The following PRKCH variants were observed in gnomAD, a reference collection of about 807,000 sequenced individuals.
PRKCH encodes protein kinase C eta.
A neutral mutation model predicts 82.5 loss-of-function variants in PRKCH; 28 were observed. The observed-to-expected ratio is 0.34, with a 90% confidence interval of 0.25 to 0.47. The LOEUF is 0.47. PRKCH is among the 20% of genes least tolerant of loss of function. PRKCH has a pLI of 1.00. For synonymous variants in PRKCH, 322 were observed against 327.4 expected (o/e 0.98, Z 0.18); for missense variants, 705 against 881.8 (o/e 0.80, Z 2.54).
At chr14:61,432,382 CCTT>C (rs1191779511) in intron 2 of PRKCH, among the ~76,000 whole-genome samples, 3 of 152,190 alleles carry the variant, frequency 2.0e-5, no homozygotes, top group African/African-American at 7.2e-5. Context: ...ACATTTCCCT[CCTT>C]CTTCAAGTAG....
chr14:61,519,976 G>A (rs1290268814), intron 10 of PRKCH, among the ~76,000 whole-genome samples: 2 of 151,056 alleles, frequency 1.3e-5, no homozygotes, highest in Non-Finnish European at 2.9e-5. Context: ...CATTCCCTTG[G>A]AGCCTGGGTT....
chr14:61,234,500 G>A (rs2044771729), intron 1 of PRKCH, among the ~76,000 whole-genome samples: 1 of 152,158 alleles, frequency 6.6e-6, no homozygotes, highest in Non-Finnish European at 1.5e-5. Flanking sequence ...TCTTACTCAT[G>A]TTGAGCATGA....
intron 1 of PRKCH, chr14:61,307,196 C>T (rs571654402): frequency 6.6e-6 from 1 of 152,168 alleles, no homozygotes; most frequent in African/African-American, 2.4e-5. Flanking sequence ...GCTAGGAGTT[C>T]AAAACCAGCC....
At chr14:61,463,648 A>G (rs1423032808) in intron 9 of PRKCH, among the ~76,000 whole-genome samples, 1 of 152,228 alleles carries the variant, frequency 6.6e-6, no homozygotes, top group Admixed American at 6.5e-5. Flanking sequence ...GACTACAAAA[A>G]TAATATAAAG....
At chr14:61,366,676 G>A (rs1161441509) in intron 1 of PRKCH, among the ~76,000 whole-genome samples, 1 of 152,082 alleles carries the variant, frequency 6.6e-6, no homozygotes, top group African/African-American at 2.4e-5. Flanking sequence ...GTATTCATTA[G>A]GCAAGGAAGC....
chr14:61,467,480 G>T (rs1426707779), intron 9 of PRKCH, among the ~76,000 whole-genome samples: 1 of 152,214 alleles, frequency 6.6e-6, no homozygotes, highest in African/African-American at 2.4e-5. Context: ...CCAGCCGCTG[G>T]ATGTGGGGAG....
intron 9 of PRKCH, among the ~76,000 whole-genome samples, chr14:61,479,196 ACT>A (rs1025060489): frequency 2.0e-4 from 30 of 151,618 alleles, no homozygotes; most frequent in African/African-American, 6.3e-4. Context: ...GTCTTTCTCC[ACT>A]CTCTTATACC....
chr14:61,277,926 G>A (rs1469208901), intron 1 of PRKCH: 1 of 152,166 alleles, frequency 6.6e-6, no homozygotes, highest in East Asian at 1.9e-4. Flanking sequence ...AGTGGCTGGT[G>A]GTGTTTGTGC....
At chr14:61,199,776 C>T (rs1266184100) in intron 1 of PRKCH, among the ~76,000 whole-genome samples, 4 of 152,172 alleles carry the variant, frequency 2.6e-5, no homozygotes, top group East Asian at 3.9e-4. Context: ...TATATCTCCC[C>T]CTCCCCTTTG....
chr14:61,216,740 C>T lies in PRKCH; in HGVS notation c.-19+29072C>T, dbSNP rs77541298. 9.5e-3 allele frequency among the ~76,000 whole-genome samples: 1,447 copies of T among 152,270 alleles called. 21 individuals are homozygous for T. Among genetic ancestry groups the T allele is most frequent in the African/African-American group, 0.031 (1,300 of 41,546 alleles). ...TGTTGTCATGTGGATGGTTTTGACTCGGCTCGAACATGAGAGAAAGAGCTT... is the reference window on the plus strand; with the variant it reads ...TGTTGTCATGTGGATGGTTTTGACTTGGCTCGAACATGAGAGAAAGAGCTT... On this transcript the variant is annotated intron_variant, in intron 1 of 3. Transcript: ENST00000555185.
Position 61,208,593 on chromosome 14 carries a change from A to G in PRKCH, c.-19+20925A>G, listed in dbSNP as rs370169887. Among the ~76,000 whole-genome samples the G allele has an allele frequency of 3.3e-5, 5 of 152,320 alleles. No individual in the cohort carries two copies. The Middle Eastern group carries it at 0.017, about 518-fold the overall frequency. ...ATATAATTTTAAAGGTGAAAGTCTTAAGATTCTCAATGATTCCAAAAATCA... is the reference window on the plus strand; with the variant it reads ...ATATAATTTTAAAGGTGAAAGTCTTGAGATTCTCAATGATTCCAAAAATCA... On this transcript the variant is annotated intron_variant, in intron 1 of 3. Transcript: ENST00000555185.
intron 1 of PRKCH, among the ~76,000 whole-genome samples, chr14:61,203,419 C>T (rs556708363): frequency 3.3e-5 from 5 of 152,190 alleles, no homozygotes; most frequent in Middle Eastern, 6.8e-3. Flanking sequence ...GCAGATAATG[C>T]CAGGAAACAT....
At chr14:61,425,343 G>A (rs1045368984) in intron 2 of PRKCH, among the ~76,000 whole-genome samples, 4 of 152,226 alleles carry the variant, frequency 2.6e-5, no homozygotes, top group African/African-American at 4.8e-5. Flanking sequence ...GAGCCACAGT[G>A]GTAGAGCTGC....
upstream of PRKCH, among the ~76,000 whole-genome samples, chr14:61,319,799 TGCCTAAA>T (rs2140114552): frequency 6.6e-6 from 1 of 152,366 alleles, no homozygotes; most frequent in African/African-American, 2.4e-5. Context: ...TTACAAGCCC[TGCCTAAA>T]GCTAAGATGT....
chr14:61,453,814 A>C (rs946787190), intron 7 of PRKCH, among the ~76,000 whole-genome samples: 10 of 151,164 alleles, frequency 6.6e-5, no homozygotes, highest in Admixed American at 1.3e-4. Context: ...CCACTATGTC[A>C]GGGTAATTTT....
intron 1 of PRKCH, among the ~76,000 whole-genome samples, chr14:61,224,526 C>G (rs1234755093): frequency 6.6e-6 from 1 of 152,126 alleles, no homozygotes. Flanking sequence ...TTTTGATGAC[C>G]TTGACAGTCC....
At chr14:61,511,968 C>G (rs943589427) in intron 10 of PRKCH, among the ~76,000 whole-genome samples, 7 of 152,172 alleles carry the variant, frequency 4.6e-5, no homozygotes, top group African/African-American at 1.7e-4. Flanking sequence ...TTACCTAGAT[C>G]AGACAGGTAA....
intron 1 of PRKCH, among the ~76,000 whole-genome samples, chr14:61,276,384 C>T (rs1391613857): frequency 6.7e-6 from 1 of 150,290 alleles, no homozygotes; most frequent in Non-Finnish European, 1.5e-5. Context: ...AAGACAGAGT[C>T]TCACTCTGTC....
At chr14:61,207,716 C>A (rs142277898) in intron 1 of PRKCH, among the ~76,000 whole-genome samples, 125 of 152,280 alleles carry the variant, frequency 8.2e-4, no homozygotes, top group Non-Finnish European at 1.5e-3. Flanking sequence ...CATGATCTAA[C>A]TTAATCCTCT....
Sources: gnomAD v4.1 joint callset for allele counts (sites outside exome capture counted in the v4.1 genomes callset) on GRCh38, gnomAD v4.1.1 for gene constraint, MANE v1.5 for transcripts, NCBI Gene and HGNC (gene_info 2026-07-23, HGNC 2026-07-21) for gene names.